Variants in SLC6A15 observed in about 807,000 individuals in gnomAD.
The protein encoded by SLC6A15 is sodium-dependent neutral amino acid transporter B(0)AT2.
Under a neutral mutation model 68.5 loss-of-function variants are expected in SLC6A15, and 33 were observed. That is an observed-to-expected ratio of 0.48 (90% CI 0.37 to 0.64). The LOEUF is 0.64. SLC6A15 is among the 30% of genes least tolerant of loss of function. The pLI is 0.00. For synonymous variants in SLC6A15, 347 were observed against 301.0 expected, an observed-to-expected ratio of 1.15 and a Z score of -1.58; for missense variants, 747 against 874.3, an observed-to-expected ratio of 0.85 and a Z score of 1.84.
intron 1 of SLC6A15, among the ~76,000 whole-genome samples, chr12:84,899,980 T>C (rs1872787427): frequency 6.6e-6 from 1 of 152,078 alleles, no homozygotes; most frequent in South Asian, 2.1e-4. Flanking sequence ...TATTTCCACA[T>C]AATTTTTGAA....
At chr12:84,902,867 T>G (rs1872950416) in intron 1 of SLC6A15, among the ~76,000 whole-genome samples, 2 of 152,074 alleles carry the variant, frequency 1.3e-5, no homozygotes, top group Non-Finnish European at 2.9e-5. Context: ...ATGGGTGTGC[T>G]TATAAAAGAG....
At chr12:84,890,736 A>C (rs896850042) in intron 2 of SLC6A15, among the ~76,000 whole-genome samples, 1 of 152,156 alleles carries the variant, frequency 6.6e-6, no homozygotes, top group Non-Finnish European at 1.5e-5. Context: ...GCCAGGAAAA[A>C]ATTTACATAC....
At position 84,859,689 on chromosome 12, in the gene SLC6A15, C is replaced by T. The variant is rs1870765427; in HGVS notation, c.*1943G>A. The T allele has an allele frequency of 1.3e-5, 2 of 151,596 alleles. No homozygotes were observed. Among genetic ancestry groups the T allele is most frequent in the South Asian group, 4.2e-4 (2 of 4,812 alleles). The allele number at this position is 151,596 out of a possible 1,614,324, so 9.4% of individuals were successfully genotyped here. A position where few individuals can be genotyped will look rare whatever the true frequency, so the allele number is the denominator to read the frequency against. On this transcript the variant is annotated 3_prime_UTR_variant, in exon 12 of 12. Coordinates refer to ENST00000266682, the MANE Select transcript of SLC6A15 (RefSeq NM_182767.6). ...AGGTTAAGTATTAAAGATTAGGGTA[C>T]CATATAAAAATATTGCCTCAACACA...
At position 84,863,547 on chromosome 12, in the gene SLC6A15, G is replaced by A; in HGVS notation, c.1710C>T (p.Tyr570=). ...MLGFAPSRYY[Y]YMWKYISPLM... ...GAGGAGAAATATATTTCCACATATA[G>A]TAGTAATATCTGCTGGGAGCAAAGC... Residue 570 remains tyrosine, a synonymous_variant, in exon 11 of 12, where the codon TAC becomes TAT. Transcript: ENST00000266682. 6.3e-7 allele frequency: 1 copy of A among 1,592,200 alleles called. No individual in the cohort carries two copies. Among genetic ancestry groups the A allele is most frequent in the South Asian group, 1.1e-5 (1 of 87,074 alleles).
chr12:84,862,630 T>C (rs1366215836), intron 11 of SLC6A15, among the ~76,000 whole-genome samples: 1 of 152,170 alleles, frequency 6.6e-6, no homozygotes, highest in Non-Finnish European at 1.5e-5. Flanking sequence ...ATGATTTCAT[T>C]ATTATTCAGC....
At position 84,883,966 on chromosome 12, in the gene SLC6A15, A is replaced by G; in HGVS notation, c.649T>C (p.Ser217Pro). The G allele has an allele frequency of 6.2e-7, 1 of 1,614,204 alleles. No individual in the cohort carries two copies. Among genetic ancestry groups the G allele is most frequent in the Non-Finnish European group, 8.5e-7 (1 of 1,180,032 alleles). The change falls in exon 5 of 12, where the codon TCC becomes CCC. Residue 217 changes from serine (S) to proline (P), a missense_variant. Ser to Pro is a moderately conservative substitution (Grantham distance 74, BLOSUM62 -1). Transcript: ENST00000266682. The part of the protein sequence containing the change: ...WYREALNISS[S>P]ISESGGLNWK... ...TTTAAGCCCCCACTTTCAGAAATGG[A>G]ACTTGAAATATTCAGTGCTTCCCTG...
intron 2 of SLC6A15, among the ~76,000 whole-genome samples, chr12:84,888,256 C>T (rs1378709652): frequency 1.6e-5 from 2 of 127,996 alleles, no homozygotes; most frequent in Admixed American, 1.6e-4. Flanking sequence ...AGAGTGAGAC[C>T]TTGTCGAAAA....
In SLC6A15 at chr12:84,861,851, C is replaced by G. The variant is rs1870865346; in HGVS notation, c.1974G>C (p.Lys658Asn). ...CAGGCTCTTTCAGGACCCTTCCTCTCTTATAGGTCACAGATGCTAAATTAC... is the reference window on the plus strand; with the variant it reads ...CAGGCTCTTTCAGGACCCTTCCTCTGTTATAGGTCACAGATGCTAAATTAC... ...SSGNLASVTY[K>N]RGRVLKEPVN... The change falls in exon 12 of 12, where the codon AAG becomes AAC. Residue 658 changes from lysine to asparagine, a missense_variant. By Grantham distance (94) the Lys-to-Asn change is moderately conservative. Coordinates refer to ENST00000266682, the MANE Select transcript of SLC6A15 (RefSeq NM_182767.6). 6.2e-7 allele frequency: 1 copy of G among 1,613,780 alleles called. No individual in the cohort carries two copies.
intron 1 of SLC6A15, among the ~76,000 whole-genome samples, chr12:84,909,387 C>T (rs530487620): frequency 1.5e-4 from 23 of 152,256 alleles, no homozygotes; most frequent in African/African-American, 4.6e-4. Context: ...TGAAATTGCC[C>T]TATATCCCAG....
Position 84,881,847 on chromosome 12 carries a change from G to A in SLC6A15, c.756+2012C>T, listed in dbSNP as rs543708334. 130 of 984,778 alleles carry A rather than the reference G, an allele frequency of 1.3e-4. 1 individual carries two copies. In the South Asian group the frequency reaches 5.3e-3, roughly 40 times the overall value. 61.0% of individuals were successfully genotyped at this position (984,778 alleles called of 1,614,324 possible). The stretch of plus-strand genomic sequence containing the variant: ...TATATTTAACTCATTGTTTCAGATT[G>A]AGGAATTGTGACAATTTTGGCTTCC... On this transcript the variant is annotated intron_variant, in intron 5 of 11. Transcript: ENST00000266682.
Position 84,884,345 on chromosome 12 carries a change from G to A in SLC6A15, c.575-305C>T, listed in dbSNP as rs181574977. On this transcript the variant is annotated intron_variant, in intron 4 of 11. Transcript: ENST00000266682. ...TTTTGAGACCGAGTTTTGCTCTGTC[G>A]CCCAGGCTGGAGTGCAATGGTGCGA... 4.1e-3 allele frequency among the ~76,000 whole-genome samples: 615 copies of A among 151,168 alleles called. 5 individuals carry two copies. Among genetic ancestry groups the A allele is most frequent in the Non-Finnish European group, 4.5e-3 (303 of 67,806 alleles).
Position 84,873,157 on chromosome 12 carries a change from G to A in SLC6A15, c.1039C>T (p.Leu347=), listed in dbSNP as rs1397487077. The stretch of plus-strand genomic sequence containing the variant: ...ACTGCAAACACCACCAATGTTGCCA[G>A]GACAGAAGTGAAAAAATTGATGAAG... The part of the protein sequence containing the change: ...VSFINFFTSV[L]ATLVVFAVLG... Residue 347 remains leucine, a synonymous_variant, in exon 7 of 12, where the codon CTG becomes TTG. Coordinates refer to ENST00000266682, the MANE Select transcript of SLC6A15 (RefSeq NM_182767.6). 1 of 1,613,870 alleles carries A rather than the reference G, an allele frequency of 6.2e-7. No homozygotes were observed.
intron 8 of SLC6A15, 34 bp from the exon 9 acceptor site, chr12:84,870,704 G>C: frequency 7.2e-7 from 1 of 1,382,052 alleles, no homozygotes; most frequent in South Asian, 1.4e-5. Flanking sequence ...CATTAGTACA[G>C]AGTAATTATT....
At chr12:84,893,447 T>C (rs1270071122) in intron 1 of SLC6A15, among the ~76,000 whole-genome samples, 1 of 152,052 alleles carries the variant, frequency 6.6e-6, no homozygotes, top group African/African-American at 2.4e-5. Flanking sequence ...GTATGTTACG[T>C]CTCCTATCCT....
intron 4 of SLC6A15, among the ~76,000 whole-genome samples, 184 bp from the exon 5 acceptor site, chr12:84,884,224 T>C (rs1871972722): frequency 6.6e-6 from 1 of 152,224 alleles, no homozygotes; most frequent in African/African-American, 2.4e-5. Context: ...AAATGTATCC[T>C]GTTAAATATT....
chr12:84,895,775 T>C (rs538033342), intron 1 of SLC6A15, among the ~76,000 whole-genome samples: 212 of 152,308 alleles, frequency 1.4e-3, no homozygotes, highest in Middle Eastern at 6.8e-3. Context: ...AAACTAAGTA[T>C]AGCAACAATA....
intron 6 of SLC6A15, among the ~76,000 whole-genome samples, chr12:84,876,062 A>G (rs1012883377): frequency 9.2e-5 from 14 of 151,974 alleles, no homozygotes; most frequent in African/African-American, 3.4e-4. Flanking sequence ...GTCAACTTCC[A>G]GATACACTAA....
chr12:84,875,730 A>G (rs1387709050), intron 6 of SLC6A15, among the ~76,000 whole-genome samples: 30 of 131,204 alleles, frequency 2.3e-4, no homozygotes, highest in African/African-American at 7.7e-4. Context: ...CTGTTAAAGC[A>G]GTATAAGAAA....
chr12:84,883,502 A>G, intron 5 of SLC6A15: 1 of 1,261,890 alleles, frequency 7.9e-7, no homozygotes. Flanking sequence ...TACTCATTTT[A>G]CCACTTTCCC....
Sources: allele counts gnomAD v4.1 joint callset (sites outside exome capture counted in the v4.1 genomes callset), GRCh38; gene constraint gnomAD v4.1.1; transcripts MANE v1.5; gene names NCBI Gene and HGNC (gene_info 2026-07-23, HGNC 2026-07-21).